Variants in CDH13 observed in about 807,000 individuals in gnomAD.
CDH13 encodes cadherin 13, also known as cadherin-13.
A neutral mutation model predicts 63.8 loss-of-function variants in CDH13; 24 were observed. The observed-to-expected ratio is 0.38, with a 90% confidence interval of 0.27 to 0.53. CDH13 has a LOEUF of 0.53. CDH13 is among the 20% of genes least tolerant of loss of function. CDH13 has a pLI of 0.85. For synonymous variants in CDH13, 503 were observed against 355.3 expected, an observed-to-expected ratio of 1.42 and a Z score of -4.67; for missense variants, 1,049 against 903.1, an observed-to-expected ratio of 1.16 and a Z score of -2.07.
At chr16:82,891,834 T>A (rs1017889555) in intron 2 of CDH13, among the ~76,000 whole-genome samples, 3 of 152,202 alleles carry the variant, frequency 2.0e-5, no homozygotes, top group Non-Finnish European at 4.4e-5. Flanking sequence ...CTAGGGACAG[T>A]GTGGACATTC....
Position 83,089,911 on chromosome 16 carries a change from C to T in CDH13, c.367-35474C>T, listed in dbSNP as rs76732072. On this transcript the variant is annotated intron_variant, in intron 3 of 13. Coordinates refer to ENST00000567109, the MANE Select transcript of CDH13 (RefSeq NM_001257.5). ...AGGGCCTAGGACTCAGCATTTATAA[C>T]GACATCCTAAGAGATGCTCTGAGGA... Among the ~76,000 whole-genome samples the T allele has an allele frequency of 9.3e-4, 141 of 152,176 alleles. 6 individuals carry two copies. In the East Asian group the frequency reaches 0.022, roughly 24 times the overall value.
intron 5 of CDH13, among the ~76,000 whole-genome samples, chr16:83,279,932 A>G (rs1321103495): frequency 6.6e-6 from 1 of 152,194 alleles, no homozygotes; most frequent in Non-Finnish European, 1.5e-5. Flanking sequence ...TGTCTGAAAA[A>G]TGTACATACC....
intron 1 of CDH13, among the ~76,000 whole-genome samples, chr16:82,652,606 A>G (rs1370067438): frequency 6.7e-6 from 1 of 149,690 alleles, no homozygotes; most frequent in African/African-American, 2.5e-5. Context: ...TGGAAAATGA[A>G]CCAATCTAGA....
At chr16:82,706,558 C>T (rs1055189971) in intron 1 of CDH13, among the ~76,000 whole-genome samples, 2 of 151,314 alleles carry the variant, frequency 1.3e-5, no homozygotes, top group East Asian at 1.9e-4. Flanking sequence ...CAGAGGTCAG[C>T]GGAGGTGGGT....
intron 1 of CDH13, among the ~76,000 whole-genome samples, chr16:82,776,328 G>A (rs1353707196): frequency 1.3e-5 from 2 of 151,996 alleles, no homozygotes; most frequent in Non-Finnish European, 2.9e-5. Context: ...AAAAGAAAAG[G>A]CACTATCTAT....
At chr16:82,655,369 C>T (rs1911180861) in intron 1 of CDH13, among the ~76,000 whole-genome samples, 1 of 152,106 alleles carries the variant, frequency 6.6e-6, no homozygotes, top group African/African-American at 2.4e-5. Flanking sequence ...GGAGAGGAGA[C>T]ATTTCAACTG....
intron 6 of CDH13, among the ~76,000 whole-genome samples, chr16:83,478,907 C>G (rs926150313): frequency 6.6e-6 from 1 of 151,650 alleles, no homozygotes; most frequent in Non-Finnish European, 1.5e-5. Context: ...GACATCCCCT[C>G]AAATGAAAAT....
Position 82,843,861 on chromosome 16 carries a change from C to T in CDH13, c.46-14501C>T, listed in dbSNP as rs774205120. On this transcript the variant is annotated intron_variant, in intron 1 of 13. Coordinates refer to ENST00000567109, the MANE Select transcript of CDH13 (RefSeq NM_001257.5). ...ATTGTTCAATTGACACAACACCAGG[C>T]CTGGCTCTGTGACTATGCACCATCA... Among the ~76,000 whole-genome samples, 3 of 152,330 alleles carry T rather than the reference C, an allele frequency of 2.0e-5. No individual in the cohort carries two copies. In the East Asian group the frequency reaches 5.8e-4, roughly 29 times the overall value.
At chr16:83,397,407 C>T (rs2091904203) in intron 6 of CDH13, 1 of 152,138 alleles carries the variant, frequency 6.6e-6, no homozygotes, top group Non-Finnish European at 1.5e-5. Flanking sequence ...TGAGAAAATA[C>T]TAGAAAGTGT....
intron 6 of CDH13, among the ~76,000 whole-genome samples, chr16:83,444,159 G>T (rs1300872780): frequency 7.0e-6 from 1 of 143,754 alleles, no homozygotes; most frequent in African/African-American, 2.5e-5. Context: ...TGACAAAGAT[G>T]ATGATGGTGA....
chr16:83,418,687 GC>G (rs1169761010), intron 6 of CDH13, among the ~76,000 whole-genome samples: 1 of 147,580 alleles, frequency 6.8e-6, no homozygotes, highest in East Asian at 2.5e-4. Context: ...ATTAGTTTTA[GC>G]AAAGAGAGAG....
intron 6 of CDH13, among the ~76,000 whole-genome samples, chr16:83,413,102 C>T (rs1384059327): frequency 1.3e-5 from 2 of 152,162 alleles, no homozygotes; most frequent in Non-Finnish European, 2.9e-5. Context: ...GTGGTAATGC[C>T]ATTTCACAGT....
chr16:83,297,466 C>T (rs767395827), intron 5 of CDH13, among the ~76,000 whole-genome samples: 9 of 152,058 alleles, frequency 5.9e-5, no homozygotes, highest in Non-Finnish European at 1.0e-4. Context: ...CTGAGTGGGA[C>T]GCAAGTGAAT....
At chr16:82,836,674 A>C (rs901951068) in intron 1 of CDH13, among the ~76,000 whole-genome samples, 19 of 152,146 alleles carry the variant, frequency 1.2e-4, no homozygotes, top group African/African-American at 4.1e-4. Context: ...CAGACATCAC[A>C]GCCCACGATG....
At chr16:82,858,286 G>C (rs1410262351) in intron 1 of CDH13, 76 bp from the exon 2 acceptor site, 6 of 873,724 alleles carry the variant, frequency 6.9e-6, no homozygotes, top group Non-Finnish European at 9.3e-6. Flanking sequence ...GTTTCTAAAA[G>C]TTGCGGATTT....
intron 1 of CDH13, among the ~76,000 whole-genome samples, chr16:82,631,400 C>T (rs1050834745): frequency 1.1e-4 from 16 of 152,206 alleles, no homozygotes; most frequent in African/African-American, 3.9e-4. Flanking sequence ...TGAGCTAGGT[C>T]CACTCACTTT....
At chr16:83,313,734 C>T (rs933079614) in intron 5 of CDH13, among the ~76,000 whole-genome samples, 3 of 148,890 alleles carry the variant, frequency 2.0e-5, no homozygotes, top group Admixed American at 6.7e-5. Flanking sequence ...TAATGAATTA[C>T]AATTGCCTTT....
intron 1 of CDH13, among the ~76,000 whole-genome samples, chr16:82,657,461 G>A (rs568405014): frequency 2.6e-5 from 4 of 152,168 alleles, no homozygotes; most frequent in Non-Finnish European, 5.9e-5. Context: ...CCGGCAGGAT[G>A]GAGTGGGATG....
intron 1 of CDH13, among the ~76,000 whole-genome samples, chr16:82,662,310 TTA>T (rs1912043111): frequency 6.6e-6 from 1 of 151,030 alleles, no homozygotes; most frequent in South Asian, 2.1e-4. Flanking sequence ...ATTGTCGGCA[TTA>T]GTTACCTTGA....
Sources: allele counts gnomAD v4.1 joint callset (sites outside exome capture counted in the v4.1 genomes callset), GRCh38; gene constraint gnomAD v4.1.1; transcripts MANE v1.5; gene names NCBI Gene and HGNC (gene_info 2026-07-23, HGNC 2026-07-21).